The following STXBP5 variants were observed in gnomAD, a reference collection of about 807,000 sequenced individuals.
STXBP5 encodes the protein syntaxin binding protein 5.
Under a neutral mutation model 152.4 loss-of-function variants are expected in STXBP5, and 50 were observed. The ratio of observed to expected loss-of-function variants is 0.33; its 90% confidence interval spans 0.26 to 0.42. The LOEUF is 0.42. STXBP5 is among the 10% of genes least tolerant of loss of function. The probability of loss-of-function intolerance (pLI) is 1.00; values close to 1 mark genes in which losing one functional copy is unlikely to be tolerated. For missense variants in STXBP5, 1,167 were observed against 1,388.6 expected, an observed-to-expected ratio of 0.84 and a Z score of 2.54; for synonymous variants, 492 against 494.7, an observed-to-expected ratio of 0.99 and a Z score of 0.07.
intron 25 of STXBP5, among the ~76,000 whole-genome samples, chr6:147,373,288 C>T (rs1785646143): frequency 6.6e-6 from 1 of 150,812 alleles, no homozygotes; most frequent in African/African-American, 2.4e-5. Flanking sequence ...TCACTTGAAC[C>T]CCAGAGGCAG....
Position 147,389,501 on chromosome 6 carries a change from C to A in STXBP5, c.*4746C>A, listed in dbSNP as rs1786493173. On this transcript the variant is annotated 3_prime_UTR_variant, in exon 28 of 28. Transcript: ENST00000321680. The stretch of plus-strand genomic sequence containing the variant: ...ATGTAAGTGGTCTCTTTATTTTATT[C>A]TTTACATCAGAAAAATCATGAATGT... The A allele has an allele frequency of 6.6e-6, 1 of 151,770 alleles. No homozygotes were observed. Among genetic ancestry groups the A allele is most frequent in the Admixed American group, 6.6e-5 (1 of 15,210 alleles). 9.4% of individuals were successfully genotyped at this position (151,770 alleles called of 1,614,324 possible).
chr6:147,298,265 A>G (rs1781631898), intron 9 of STXBP5, among the ~76,000 whole-genome samples: 1 of 152,082 alleles, frequency 6.6e-6, no homozygotes, highest in African/African-American at 2.4e-5. Context: ...ATTATGTAAC[A>G]ATGAAGGGAT....
chr6:147,273,241 G>A (rs991069375), intron 7 of STXBP5, among the ~76,000 whole-genome samples: 2 of 151,200 alleles, frequency 1.3e-5, no homozygotes, highest in African/African-American at 4.9e-5. Context: ...GCATGTACCT[G>A]TAGTCCTAGC....
At chr6:147,243,516 G>A (rs1010450659) in intron 4 of STXBP5, among the ~76,000 whole-genome samples, 1 of 152,100 alleles carries the variant, frequency 6.6e-6, no homozygotes, top group Non-Finnish European at 1.5e-5. Flanking sequence ...TTTTGTCCTA[G>A]TCTGTGACTT....
rs764684701 is a variant in STXBP5 at position 147,324,263 on chromosome 6, G to GTTTTTTT, written c.1803-696_1803-695insTTTTTTT. ...TTTAAGTTTTGTGGGGTTTTTTTTT[G>GTTTTTTT]GTTTTTTTTTTTTTTTTTTTTTTTT... On this transcript the variant is annotated intron_variant, in intron 16 of 27. Transcript: ENST00000321680. Among the ~76,000 whole-genome samples the GTTTTTTT allele has an allele frequency of 1.6e-3, 134 of 85,008 alleles. 4 individuals carry two copies. Among genetic ancestry groups the GTTTTTTT allele is most frequent in the Non-Finnish European group, 1.7e-3 (74 of 44,342 alleles). The allele number at this position is 85,008 out of a possible 152,430, so 55.8% of individuals were successfully genotyped here.
intron 4 of STXBP5, among the ~76,000 whole-genome samples, chr6:147,248,989 C>T (rs753970778): frequency 6.6e-6 from 1 of 152,074 alleles, no homozygotes; most frequent in East Asian, 1.9e-4. Flanking sequence ...GAGCATACCC[C>T]CTGACAGACA....
intron 8 of STXBP5, among the ~76,000 whole-genome samples, chr6:147,285,259 A>G (rs533201): frequency 0.33 from 50,775 of 152,050 alleles, 9,895 homozygotes; most frequent in East Asian, 0.56. Flanking sequence ...CTGGTGGCAT[A>G]GCATTTAAGA....
At chr6:147,311,685 C>G (rs1197910591) in intron 11 of STXBP5, among the ~76,000 whole-genome samples, 158 bp downstream of exon 11, 2 of 152,088 alleles carry the variant, frequency 1.3e-5, no homozygotes, top group African/African-American at 4.8e-5. Context: ...TCTACTTACT[C>G]AAATTTCTCT....
intron 21 of STXBP5, chr6:147,352,011 A>G (rs1157773563): frequency 3.8e-6 from 1 of 260,334 alleles, no homozygotes. Flanking sequence ...TTACGCATGC[A>G]CTACCACTAA....
intron 19 of STXBP5, among the ~76,000 whole-genome samples, chr6:147,337,214 C>CACACACACACACACACACACACACAA (rs150169446): frequency 0.013 from 1,864 of 147,326 alleles, 23 homozygotes; most frequent in Admixed American, 0.017. Context: ...CACACACACA[C>CACACACACACACACACACACACACAA]AAGAAGTCAT....
At chr6:147,206,260 T>C (rs1338007493) in intron 2 of STXBP5, among the ~76,000 whole-genome samples, 192 bp downstream of exon 2, 2 of 152,224 alleles carry the variant, frequency 1.3e-5, no homozygotes, top group Admixed American at 1.3e-4. Flanking sequence ...TCTCAGCTCC[T>C]AGTTTATAGT....
At chr6:147,321,920 T>C (rs544965884) in intron 16 of STXBP5, among the ~76,000 whole-genome samples, 1 of 152,226 alleles carries the variant, frequency 6.6e-6, no homozygotes, top group Non-Finnish European at 1.5e-5. Context: ...AGGTTTCTCA[T>C]CCTTTACCAT....
chr6:147,359,261 C>G lies in STXBP5; in HGVS notation c.2483C>G (p.Ala828Gly). ...GTTLGTVLVI[A>G]LNLPPGGEQR... is the part of the protein sequence containing the mutation. ...ACGCTAGGAACAGTGCTTGTCATTG[C>G]ACTGAACCTTCCCCCAGGGGGAGAG... The change falls in exon 23 of 28, where the codon GCA becomes GGA. Residue 828 changes from alanine to glycine, a missense_variant. Around this residue, in one of 3 missense-constraint regions of STXBP5, gnomAD observed 833 missense variants for 986.3 expected, o/e 0.84. Transcript: ENST00000321680. 1 of 1,614,054 alleles carries G rather than the reference C, an allele frequency of 6.2e-7. No homozygotes were observed. The highest frequency in any genetic ancestry group is 8.5e-7 in the Non-Finnish European group (1 of 1,179,950).
intron 9 of STXBP5, among the ~76,000 whole-genome samples, chr6:147,297,519 A>G (rs564847862): frequency 1.3e-5 from 2 of 152,242 alleles, no homozygotes; most frequent in South Asian, 4.1e-4. Context: ...AAATTATAAA[A>G]CTCACAGATA....
intron 2 of STXBP5, among the ~76,000 whole-genome samples, chr6:147,223,191 T>C (rs1183044319): frequency 6.6e-6 from 1 of 152,202 alleles, no homozygotes; most frequent in Non-Finnish European, 1.5e-5. Flanking sequence ...TAGGTGGTCT[T>C]CAAAAAGAGG....
intron 4 of STXBP5, among the ~76,000 whole-genome samples, chr6:147,242,781 T>C (rs571031224): frequency 6.6e-6 from 1 of 152,258 alleles, no homozygotes; most frequent in African/African-American, 2.4e-5. Context: ...GTTCACACAA[T>C]GTTGAACTCA....
At chr6:147,273,959 A>G (rs2128339167) in intron 7 of STXBP5, among the ~76,000 whole-genome samples, 1 of 152,246 alleles carries the variant, frequency 6.6e-6, no homozygotes, top group South Asian at 2.1e-4. Flanking sequence ...CAAAAAAAAA[A>G]AAAAAAGTTG....
At chr6:147,266,171 A>G (rs934544382) in intron 6 of STXBP5, among the ~76,000 whole-genome samples, 1 of 152,122 alleles carries the variant, frequency 6.6e-6, no homozygotes, top group Non-Finnish European at 1.5e-5. Flanking sequence ...ATGGTAAGGG[A>G]TGGAACTGGA....
At chr6:147,211,716 A>G (rs1461470385) in intron 2 of STXBP5, among the ~76,000 whole-genome samples, 1 of 152,070 alleles carries the variant, frequency 6.6e-6, no homozygotes, top group African/African-American at 2.4e-5. Context: ...CCTACCAAGT[A>G]TTTGCGACCA....
Sources: allele counts gnomAD v4.1 joint callset (sites outside exome capture counted in the v4.1 genomes callset), GRCh38; gene constraint gnomAD v4.1.1; regional missense constraint gnomAD v4.1.1; transcripts MANE v1.5; gene names NCBI Gene and HGNC (gene_info 2026-07-23, HGNC 2026-07-21).